PHACTR3: variants seen among roughly 807,000 people sequenced by gnomAD.
PHACTR3 encodes phosphatase and actin regulator 3.
Under a neutral mutation model 66.8 loss-of-function variants are expected in PHACTR3, and 16 were observed. The ratio of observed to expected loss-of-function variants is 0.24; its 90% CI spans 0.16 to 0.36. The LOEUF (loss-of-function observed/expected upper bound fraction) is 0.36, where lower values mean the gene tolerates loss of function less well. PHACTR3 is among the 10% of genes least tolerant of loss of function. The pLI, the probability that PHACTR3 is intolerant of heterozygous loss-of-function variation, is 1.00. For synonymous variants in PHACTR3, 323 were observed against 292.1 expected, an observed-to-expected ratio of 1.11 and a Z score of -1.08; for missense variants, 647 against 719.9, an observed-to-expected ratio of 0.90 and a Z score of 1.16.
rs558487780 is a variant in PHACTR3, at chr20:59,612,997, C to CT, written c.118+7866dup. On this transcript the variant is annotated intron_variant, in intron 1 of 12. Transcript: ENST00000371015. ...TTTAAACAACCAGATCTTTTATGAA[C>CT]TATCAGAACGAGAACTCCCTCAGCA... Among the ~76,000 whole-genome samples, 8 of 152,162 alleles carry CT rather than the reference C, an allele frequency of 5.3e-5. No homozygotes were observed. In the East Asian group the frequency reaches 7.8e-4, roughly 15 times the overall value.
intron 1 of PHACTR3, among the ~76,000 whole-genome samples, chr20:59,700,532 A>G (rs2037463190): frequency 6.6e-6 from 1 of 152,218 alleles, no homozygotes; most frequent in Admixed American, 6.5e-5. Flanking sequence ...GCCCTCACCA[A>G]ACTAGGTCAT....
chr20:59,847,221 T>G lies in PHACTR3; in HGVS notation c.*91T>G, dbSNP rs1333522479. ...ACTTTCCTGAAGTTCAGCTCAAGAC[T>G]ACCCTACCTGCTGTGTTTGTGAGAA... On this transcript the variant is annotated 3_prime_UTR_variant, in exon 13 of 13. Coordinates refer to ENST00000371015, the MANE Select transcript of PHACTR3 (RefSeq NM_080672.5). 3.3e-6 allele frequency: 3 copies of G among 909,148 alleles called. No homozygotes were observed. The African/African-American group carries it at 4.9e-5, about 15-fold the overall frequency. The allele number at this position is 909,148 out of a possible 1,614,324, so 56.3% of individuals were successfully genotyped here.
chr20:59,701,624 G>T (rs559461167), intron 1 of PHACTR3, among the ~76,000 whole-genome samples: 2 of 152,152 alleles, frequency 1.3e-5, no homozygotes, highest in South Asian at 2.1e-4. Flanking sequence ...CTTACAAAAA[G>T]TGAGTTCCCA....
At chr20:59,702,948 C>T (rs1169929115) in intron 1 of PHACTR3, among the ~76,000 whole-genome samples, 1 of 152,134 alleles carries the variant, frequency 6.6e-6, no homozygotes, top group African/African-American at 2.4e-5. Flanking sequence ...TAAGATGGAG[C>T]TGACAGTGAT....
intron 1 of PHACTR3, among the ~76,000 whole-genome samples, chr20:59,593,615 G>A (rs1162175824): frequency 6.6e-6 from 1 of 151,960 alleles, no homozygotes; most frequent in Non-Finnish European, 1.5e-5. Context: ...TATCTTCTAG[G>A]AGTTTTACAG....
intron 1 of PHACTR3, among the ~76,000 whole-genome samples, chr20:59,640,928 A>G (rs1030231183): frequency 7.2e-5 from 11 of 152,196 alleles, no homozygotes; most frequent in African/African-American, 2.7e-4. Context: ...AACCAAGTTT[A>G]TGCCATTATT....
At chr20:59,751,437 C>T (rs550043839) in intron 3 of PHACTR3, among the ~76,000 whole-genome samples, 41 of 152,276 alleles carry the variant, frequency 2.7e-4, no homozygotes, top group African/African-American at 9.9e-4. Context: ...GGACAAACCC[C>T]AGGATTGCCC....
chr20:59,702,479 T>G (rs2037541648), intron 1 of PHACTR3, among the ~76,000 whole-genome samples: 1 of 152,204 alleles, frequency 6.6e-6, no homozygotes, highest in African/African-American at 2.4e-5. Context: ...ACCCCCTTAC[T>G]GAAAGGGTTG....
chr20:59,765,179 A>G (rs746794888), intron 4 of PHACTR3, among the ~76,000 whole-genome samples: 2 of 152,244 alleles, frequency 1.3e-5, no homozygotes, highest in Non-Finnish European at 2.9e-5. Flanking sequence ...TACTAAGTGA[A>G]ACAACTAATC....
At chr20:59,667,307 G>A (rs532200438) in intron 1 of PHACTR3, among the ~76,000 whole-genome samples, 2 of 152,344 alleles carry the variant, frequency 1.3e-5, no homozygotes, top group African/African-American at 4.8e-5. Flanking sequence ...GAGCTGTGGG[G>A]CTCCCACAAT....
intron 1 of PHACTR3, among the ~76,000 whole-genome samples, chr20:59,679,770 G>A (rs1032106143): frequency 6.6e-6 from 1 of 152,060 alleles, no homozygotes; most frequent in African/African-American, 2.4e-5. Flanking sequence ...AAGTGAAAGG[G>A]GTTTCCCCTT....
At chr20:59,722,602 G>C (rs971367461) in intron 1 of PHACTR3, among the ~76,000 whole-genome samples, 1 of 152,160 alleles carries the variant, frequency 6.6e-6, no homozygotes, top group African/African-American at 2.4e-5. Context: ...GGCCTGCTGT[G>C]CATTGCTGGG....
intron 1 of PHACTR3, among the ~76,000 whole-genome samples, chr20:59,681,425 G>A (rs1309927061): frequency 6.6e-6 from 1 of 152,146 alleles, no homozygotes; most frequent in Admixed American, 6.5e-5. Flanking sequence ...GATGACTGTG[G>A]CAGTGACCAC....
At chr20:59,624,804 A>G (rs1356480621) in intron 1 of PHACTR3, among the ~76,000 whole-genome samples, 4 of 152,264 alleles carry the variant, frequency 2.6e-5, no homozygotes, top group African/African-American at 9.6e-5. Context: ...TTGTGAAGCT[A>G]GTACAAAGAC....
At chr20:59,760,681 C>T (rs866872490) in intron 4 of PHACTR3, among the ~76,000 whole-genome samples, 1 of 152,106 alleles carries the variant, frequency 6.6e-6, no homozygotes, top group Non-Finnish European at 1.5e-5. Context: ...TCAGGTATGT[C>T]TTTATCAGCA....
rs987530355 is a variant in PHACTR3, at chr20:59,822,415, C to T, written c.1329-14090C>T. Among the ~76,000 whole-genome samples the T allele has an allele frequency of 1.7e-4, 26 of 150,550 alleles. 1 individual carries two copies. Among genetic ancestry groups the T allele is most frequent in the Non-Finnish European group, 3.2e-4 (22 of 67,752 alleles). The stretch of plus-strand genomic sequence containing the variant: ...GGGCTGCCTTCCGAAGCTTCCATTC[C>T]ACCAGCAGGCGTGGGGGAGGGGAGG... On this transcript the variant is annotated intron_variant, in intron 8 of 12. Transcript: ENST00000371015.
chr20:59,742,897 G>A (rs1272384007), intron 1 of PHACTR3, among the ~76,000 whole-genome samples: 1 of 152,176 alleles, frequency 6.6e-6, no homozygotes, highest in Non-Finnish European at 1.5e-5. Context: ...TGAGTGGGTC[G>A]CAGGAGGGAG....
chr20:59,671,296 G>A (rs1162467610), intron 1 of PHACTR3, among the ~76,000 whole-genome samples: 1 of 152,202 alleles, frequency 6.6e-6, no homozygotes, highest in Non-Finnish European at 1.5e-5. Context: ...CATGCTGGGT[G>A]AGCCTCCTCT....
rs2059165026 is a variant in PHACTR3 at position 59,847,156 on chromosome 20, G to A, written c.*26G>A. On this transcript the variant is annotated 3_prime_UTR_variant, in exon 13 of 13. Transcript: ENST00000371015. Reference sequence around the variant, plus strand: ...AGATTTTCTTCTGAGAAGAATTTGTGTTTAATTTTTTGATACCAACACTGA... The same window carrying A: ...AGATTTTCTTCTGAGAAGAATTTGTATTTAATTTTTTGATACCAACACTGA... The A allele has an allele frequency of 2.7e-6, 4 of 1,506,592 alleles. No individual in the cohort carries two copies. Among genetic ancestry groups the A allele is most frequent in the Non-Finnish European group, 3.7e-6 (4 of 1,088,998 alleles). The allele number at this position is 1,506,592 out of a possible 1,614,324, so 93.3% of individuals were successfully genotyped here.
Sources: gnomAD v4.1 joint callset for allele counts (sites outside exome capture counted in the v4.1 genomes callset) on GRCh38, gnomAD v4.1.1 for gene constraint, MANE v1.5 for transcripts, NCBI Gene and HGNC (gene_info 2026-07-23, HGNC 2026-07-21) for gene names.